The following UTP14C variants were observed in gnomAD, a reference collection of about 807,000 sequenced individuals.
UTP14C encodes UTP14C small subunit processome component.
Under a neutral mutation model 14.6 loss-of-function variants are expected in UTP14C, and 10 were observed. That is an observed-to-expected ratio of 0.68 (90% confidence interval 0.42 to 1.16). The LOEUF is 1.16. UTP14C is among the 50% of genes most tolerant of loss of function. The pLI is 0.00. For synonymous variants in UTP14C, 315 were observed against 331.6 expected (o/e 0.95, Z 0.54); for missense variants, 818 against 890.8 (o/e 0.92, Z 1.04).
Position 52,029,380 on chromosome 13 carries a change from T to C in UTP14C, c.576T>C (p.His192=). 1 of 1,613,962 alleles carries C rather than the reference T, an allele frequency of 6.2e-7. No individual in the cohort carries two copies. Among genetic ancestry groups the C allele is most frequent in the Non-Finnish European group, 8.5e-7 (1 of 1,180,004 alleles). ...AGCAGGAAATTTTTAACCTCCTCCA[T>C]AAGAACAAGCAGCCAGTGACAGATC... is the stretch of plus-strand genomic sequence containing the variant. ...PLEQEIFNLL[H]KNKQPVTDPL... Residue 192 remains histidine, a synonymous_variant, in exon 2 of 2, where the codon CAT becomes CAC. Transcript: ENST00000521776.
chr13:52,028,743 A>G lies in UTP14C; in HGVS notation c.-62A>G. 6.2e-7 allele frequency: 1 copy of G among 1,611,500 alleles called. No homozygotes were observed. Among genetic ancestry groups the G allele is most frequent in the Non-Finnish European group, 8.5e-7 (1 of 1,178,094 alleles). On this transcript the variant is annotated 5_prime_UTR_variant, in exon 2 of 2. Transcript: ENST00000521776. Reference sequence around the variant, plus strand: ...TAGAATAAAAGGAAGTGTTGAAAAGAAAATGGATGACTAGCCTTCGGCTTC... The same window carrying G: ...TAGAATAAAAGGAAGTGTTGAAAAGGAAATGGATGACTAGCCTTCGGCTTC...
chr13:52,027,319 C>G (rs1452361699), intron 1 of UTP14C, among the ~76,000 whole-genome samples: 2 of 152,018 alleles, frequency 1.3e-5, no homozygotes, highest in Admixed American at 1.3e-4. Context: ...ATGTGGTGCC[C>G]TAGCTTCCTA....
In UTP14C at chr13:52,028,402, G is replaced by A. The variant is rs377356876; in HGVS notation, c.-403G>A. The A allele has an allele frequency of 4.3e-6, 7 of 1,614,008 alleles. No individual in the cohort carries two copies. The African/African-American group carries it at 6.7e-5, about 15-fold the overall frequency. On this transcript the variant is annotated 5_prime_UTR_variant, in exon 2 of 2. Coordinates refer to ENST00000521776, the MANE Select transcript of UTP14C (RefSeq NM_021645.6). The stretch of plus-strand genomic sequence containing the variant: ...AAAGCTTGACATTGTGGTTCCTCAC[G>A]AAGGAGATATAACTGGCTTTCTGGC...
At position 52,029,850 on chromosome 13, in the gene UTP14C, C is replaced by G. The variant is rs750306041; in HGVS notation, c.1046C>G (p.Thr349Arg). 5.0e-6 allele frequency: 8 copies of G among 1,614,048 alleles called. No homozygotes were observed. The East Asian group carries it at 1.6e-4, about 31-fold the overall frequency. ...GAGAGTGAGGAAGAGGAGGGAGGCACAGAAGTGGAAGAACTCCTTGTCCCT... is the reference window on the plus strand; with the variant it reads ...GAGAGTGAGGAAGAGGAGGGAGGCAGAGAAGTGGAAGAACTCCTTGTCCCT... ...ASESEEEEGGTEVEELLVPHV... is the reference protein window; with the variant it reads ...ASESEEEEGGREVEELLVPHV... Residue 349 changes from threonine to arginine, a missense_variant, in exon 2 of 2, where the codon ACA becomes AGA. Physicochemically the swap from Thr to Arg is moderately conservative, Grantham distance 71. Transcript: ENST00000521776.
chr13:52,027,125 G>C (rs994982467), intron 1 of UTP14C, among the ~76,000 whole-genome samples: 13 of 152,210 alleles, frequency 8.5e-5, no homozygotes, highest in African/African-American at 3.1e-4. Context: ...GGCAAGAGCA[G>C]TCTTGAGGGA....
At position 52,030,288 on chromosome 13, in the gene UTP14C, C is replaced by T. The variant is rs757795523; in HGVS notation, c.1484C>T (p.Ala495Val). 1.9e-5 allele frequency: 31 copies of T among 1,614,054 alleles called. No homozygotes were observed. Among genetic ancestry groups the T allele is most frequent in the Middle Eastern group, 1.6e-4 (1 of 6,084 alleles). The change falls in exon 2 of 2, where the codon GCG (alanine) becomes GTG (valine). Residue 495 changes from alanine (A) to valine (V), a missense_variant. Transcript: ENST00000521776. ...AGAGAGGAACCTGCCCCAGAAGAAG[C>T]GGAACCCCTATTGCTACAGAGGTCA... ...VQREEPAPEE[A>V]EPLLLQRSER...
chr13:52,029,698 C>T lies in UTP14C; in HGVS notation c.894C>T (p.His298=), dbSNP rs770885848. The T allele has an allele frequency of 3.1e-6, 5 of 1,614,004 alleles. No homozygotes were observed. The South Asian group carries it at 3.3e-5, about 11-fold the overall frequency. ...ARMMERMSLK[H]QNSGKWAKSK... Reference sequence around the variant, plus strand: ...TGATGGAAAGAATGAGCCTTAAGCACCAAAACAGTGGGAAATGGGCCAAGT... The same window carrying T: ...TGATGGAAAGAATGAGCCTTAAGCATCAAAACAGTGGGAAATGGGCCAAGT... The change falls in exon 2 of 2, where the codon CAC becomes CAT. Residue 298 remains histidine, a synonymous_variant. Transcript: ENST00000521776.
At position 52,030,117 on chromosome 13, in the gene UTP14C, C is replaced by G; in HGVS notation, c.1313C>G (p.Ala438Gly). Residue 438 changes from alanine (A) to glycine (G), a missense_variant, in exon 2 of 2, where the codon GCT (alanine) becomes GGT (glycine). Transcript: ENST00000521776. ...AAAAGATCTGAGCTCAACCAGGATG[C>G]TGAGCCAGCAAGCAGTCAAGAAACA... Reference protein sequence around the residue: ...LRKRSELNQDAEPASSQETKD... With the variant: ...LRKRSELNQDGEPASSQETKD... 6.2e-7 allele frequency: 1 copy of G among 1,614,206 alleles called. No homozygotes were observed. Among genetic ancestry groups the G allele is most frequent in the Non-Finnish European group, 8.5e-7 (1 of 1,180,046 alleles).
Position 52,030,770 on chromosome 13 carries a change from C to T in UTP14C, c.1966C>T (p.Pro656Ser), listed in dbSNP as rs756169270. ...RQFLIKAPEG[P>S]PRKDKNLPNV... The stretch of plus-strand genomic sequence containing the variant: ...GTTTCTCATTAAAGCCCCTGAGGGT[C>T]CTCCAAGAAAAGATAAGAATTTGCC... Residue 656 changes from proline (P) to serine (S), a missense_variant, in exon 2 of 2, where the codon CCT (proline) becomes TCT (serine). Physicochemically the swap from Pro to Ser is moderately conservative, Grantham distance 74. Transcript: ENST00000521776. 2 of 1,614,156 alleles carry T rather than the reference C, an allele frequency of 1.2e-6. No homozygotes were observed. The highest frequency in any genetic ancestry group is 1.1e-5 in the South Asian group (1 of 91,084).
In UTP14C at chr13:52,029,365, T is replaced by A; in HGVS notation, c.561T>A (p.Ile187=). Residue 187 remains isoleucine (I), a synonymous_variant, in exon 2 of 2, where the codon ATT becomes ATA. Coordinates refer to ENST00000521776, the MANE Select transcript of UTP14C (RefSeq NM_021645.6). The stretch of plus-strand genomic sequence containing the variant: ...CAAGAACTCCCCTGGAGCAGGAAAT[T>A]TTTAACCTCCTCCATAAGAACAAGC... The part of the protein sequence containing the change: ...WKARTPLEQE[I]FNLLHKNKQP... 1.2e-6 allele frequency: 2 copies of A among 1,614,042 alleles called. No homozygotes were observed. The highest frequency in any genetic ancestry group is 1.7e-6 in the Non-Finnish European group (2 of 1,179,996).
Position 52,031,140 on chromosome 13 carries a change from T to A in UTP14C, c.*35T>A. ...CTGGAGAAGTGACAGTCAGGGGCCC[T>A]GATTCCACTTCCTTTGGTCCAGTTT... On this transcript the variant is annotated 3_prime_UTR_variant, in exon 2 of 2. Coordinates refer to ENST00000521776, the MANE Select transcript of UTP14C (RefSeq NM_021645.6). 6.4e-7 allele frequency: 1 copy of A among 1,570,550 alleles called. No homozygotes were observed. Among genetic ancestry groups the A allele is most frequent in the East Asian group, 2.2e-5 (1 of 44,576 alleles).
At chr13:52,026,845 ATTGTCC>A (rs1555306171) in intron 1 of UTP14C, among the ~76,000 whole-genome samples, 1 of 152,060 alleles carries the variant, frequency 6.6e-6, no homozygotes, top group Non-Finnish European at 1.5e-5. Context: ...AAAAATGAGG[ATTGTCC>A]TTGTGCAGGT....
Position 52,029,862 on chromosome 13 carries a change from A to G in UTP14C, c.1058A>G (p.Glu353Gly). The change falls in exon 2 of 2, where the codon GAA becomes GGA. Residue 353 changes from glutamate (E) to glycine (G), a missense_variant. Coordinates refer to ENST00000521776, the MANE Select transcript of UTP14C (RefSeq NM_021645.6). ...EEEEGGTEVE[E>G]LLVPHVANEV... ...GAGGAGGGAGGCACAGAAGTGGAAG[A>G]ACTCCTTGTCCCTCATGTAGCGAAT... 6.2e-7 allele frequency: 1 copy of G among 1,614,220 alleles called. No individual in the cohort carries two copies. Among genetic ancestry groups the G allele is most frequent in the Non-Finnish European group, 8.5e-7 (1 of 1,180,042 alleles).
rs1387711304 is a variant in UTP14C at position 52,030,908 on chromosome 13, A to G, written c.2104A>G (p.Ile702Val). Reference protein sequence around the residue: ...RQFERTIQTPIGSTWNTQRAF... With the variant: ...RQFERTIQTPVGSTWNTQRAF... ...ATTTGAAAGGACCATCCAGACCCCTATAGGATCCACATGGAACACCCAGAG... is the reference window on the plus strand; with the variant it reads ...ATTTGAAAGGACCATCCAGACCCCTGTAGGATCCACATGGAACACCCAGAG... The change falls in exon 2 of 2, where the codon ATA becomes GTA. Residue 702 changes from isoleucine (I) to valine (V), a missense_variant. Coordinates refer to ENST00000521776, the MANE Select transcript of UTP14C (RefSeq NM_021645.6). 1.9e-6 allele frequency: 3 copies of G among 1,614,170 alleles called. No individual in the cohort carries two copies. The highest frequency in any genetic ancestry group is 1.7e-5 in the Admixed American group (1 of 60,018).
Position 52,028,975 on chromosome 13 carries a change from G to A in UTP14C, c.171G>A (p.Arg57=). Residue 57 remains arginine, a synonymous_variant, in exon 2 of 2, where the codon AGG becomes AGA. Coordinates refer to ENST00000521776, the MANE Select transcript of UTP14C (RefSeq NM_021645.6). ...TCATTTCCCTTGATGGAAAGAATAG[G>A]CGGAAATTGGCTGAGAGGTCTGAGG... The part of the protein sequence containing the change: ...EAIISLDGKN[R]RKLAERSEAS... 6.2e-7 allele frequency: 1 copy of A among 1,614,224 alleles called. No individual in the cohort carries two copies. The highest frequency in any genetic ancestry group is 8.5e-7 in the Non-Finnish European group (1 of 1,180,042).
At chr13:52,026,839 ATG>A (rs1954245889) in intron 1 of UTP14C, among the ~76,000 whole-genome samples, 1 of 152,180 alleles carries the variant, frequency 6.6e-6, no homozygotes, top group Non-Finnish European at 1.5e-5. Flanking sequence ...GAAATAAAAA[ATG>A]AGGATTGTCC....
intron 1 of UTP14C, among the ~76,000 whole-genome samples, chr13:52,026,571 G>A (rs1954242506): frequency 6.6e-6 from 1 of 152,156 alleles, no homozygotes; most frequent in African/African-American, 2.4e-5. Context: ...ACATTCTGCA[G>A]TAGTATTGAC....
rs758475201 is a variant in UTP14C, at chr13:52,030,677, C to CTGACA, written c.1874_1878dup (p.Leu627Ter). The CTGACA allele has an allele frequency of 1.9e-6, 3 of 1,614,060 alleles. No homozygotes were observed. In the African/African-American group the frequency reaches 4.0e-5, roughly 22 times the overall value. On this transcript the variant is annotated frameshift_variant, in exon 2 of 2. Coordinates refer to ENST00000521776, the MANE Select transcript of UTP14C (RefSeq NM_021645.6). LOFTEE classifies it high-confidence loss of function. ...GGCGAGTAAGCCAAAGGACGTGGAC[C>CTGACA]TGACACTACCTGGCTGGGGCGAGTG... is the stretch of plus-strand genomic sequence containing the variant.
Position 52,033,328 on chromosome 13 carries a change from A to G in UTP14C, c.*2223A>G, listed in dbSNP as rs879590269. ...GTATTCTTATTTACAGTTGTGTACT[A>G]TAAAGTGTGTGTTACATAGGTTTTG... On this transcript the variant is annotated 3_prime_UTR_variant, in exon 2 of 2. Transcript: ENST00000521776. 3 of 167,104 alleles carry G rather than the reference A, an allele frequency of 1.8e-5. No individual in the cohort carries two copies. Among genetic ancestry groups the G allele is most frequent in the Non-Finnish European group, 2.9e-5 (2 of 68,122 alleles). The allele number at this position is 167,104 out of a possible 1,614,324, so 10.4% of individuals were successfully genotyped here. A position where few individuals can be genotyped will look rare whatever the true frequency, so the allele number is the denominator to read the frequency against.
Sources: gnomAD v4.1 joint callset for allele counts (sites outside exome capture counted in the v4.1 genomes callset) on GRCh38, gnomAD v4.1.1 for gene constraint, MANE v1.5 for transcripts, NCBI Gene and HGNC (gene_info 2026-07-23, HGNC 2026-07-21) for gene names.